CFAP300: variants seen among roughly 807,000 people sequenced by gnomAD.
CFAP300 encodes the protein cilia and flagella associated protein 300.
Under a neutral mutation model 33.0 loss-of-function variants are expected in CFAP300, and 32 were observed. The observed-to-expected ratio is 0.97, with a 90% CI of 0.73 to 1.30. The LOEUF is 1.30. CFAP300 is among the 50% of genes most tolerant of loss of function. CFAP300 has a pLI of 0.00. For missense variants in CFAP300, 356 were observed against 318.1 expected, an observed-to-expected ratio of 1.12 and a Z score of -0.90; for synonymous variants, 102 against 106.8, an observed-to-expected ratio of 0.95 and a Z score of 0.28.
intron 3 of CFAP300, among the ~76,000 whole-genome samples, chr11:102,064,597 G>A (rs2135031404): frequency 6.6e-6 from 1 of 152,296 alleles, no homozygotes; most frequent in South Asian, 2.1e-4. Context: ...AAGAGCTAGT[G>A]TAAACATTCA....
intron 6 of CFAP300, 24 bp downstream of exon 6, chr11:102,081,305 A>G (rs1942469560): frequency 1.3e-6 from 2 of 1,586,654 alleles, no homozygotes. Context: ...AACTTTTGCA[A>G]CCAAAGAATT....
intron 2 of CFAP300, chr11:102,058,059 A>G (rs955939605): frequency 2.0e-5 from 3 of 152,374 alleles, no homozygotes; most frequent in Non-Finnish European, 4.4e-5. Context: ...CCTTTTGGCT[A>G]AGATCAACTG....
rs112123559 is a variant in CFAP300 at position 102,072,456 on chromosome 11, T to A, written c.436-3417T>A. Among the ~76,000 whole-genome samples, 812 of 150,190 alleles carry A rather than the reference T, an allele frequency of 5.4e-3. 8 individuals carry two copies. The highest frequency in any genetic ancestry group is 0.019 in the African/African-American group (784 of 40,370). On this transcript the variant is annotated intron_variant, in intron 4 of 6. Transcript: ENST00000434758. ...CACTGAGCTTCTTTAATATCATTAA[T>A]TTTTTGAGAGAATTTTTTTTTTTAG...
chr11:102,069,622 G>A (rs1403642004), intron 4 of CFAP300, among the ~76,000 whole-genome samples: 4 of 152,052 alleles, frequency 2.6e-5, no homozygotes. Context: ...GGCCAACATG[G>A]TGAAAACCAG....
chr11:102,065,492 C>T (rs567564270), intron 3 of CFAP300, among the ~76,000 whole-genome samples: 4 of 152,062 alleles, frequency 2.6e-5, no homozygotes, highest in South Asian at 2.1e-4. Context: ...TGTGGCCAGG[C>T]GCGGTTGCTC....
In CFAP300 at chr11:102,083,480, T is replaced by C. The variant is rs577670708; in HGVS notation, c.*281T>C. On this transcript the variant is annotated 3_prime_UTR_variant, in exon 7 of 7. Coordinates refer to ENST00000434758, the MANE Select transcript of CFAP300 (RefSeq NM_032930.3). ...GAAATCTAGTTCATATTTGTTGCAT[T>C]GTGATTCAAGTGAATCCTCAATTTT... is the stretch of plus-strand genomic sequence containing the variant. The C allele has an allele frequency of 5.1e-6, 1 of 194,616 alleles. No homozygotes were observed. Among genetic ancestry groups the C allele is most frequent in the African/African-American group, 2.3e-5 (1 of 43,260 alleles). The allele number at this position is 194,616 out of a possible 1,614,324, so 12.1% of individuals were successfully genotyped here.
At chr11:102,073,095 G>T (rs1227342256) in intron 4 of CFAP300, among the ~76,000 whole-genome samples, 1 of 152,190 alleles carries the variant, frequency 6.6e-6, no homozygotes, top group Non-Finnish European at 1.5e-5. Flanking sequence ...CAAGCAGGCT[G>T]ATTCTTGGGC....
At chr11:102,079,526 G>T (rs1232204039) in intron 5 of CFAP300, among the ~76,000 whole-genome samples, 1 of 152,106 alleles carries the variant, frequency 6.6e-6, no homozygotes, top group Non-Finnish European at 1.5e-5. Flanking sequence ...ACCCTGAAAT[G>T]GCTATGGCTG....
At chr11:102,081,395 T>C in intron 6 of CFAP300, 114 bp downstream of exon 6, 1 of 832,262 alleles carries the variant, frequency 1.2e-6, no homozygotes, top group Non-Finnish European at 1.9e-6. Context: ...AAAGACAATG[T>C]TATTTAGAGT....
chr11:102,055,823 C>T (rs1266158103), intron 2 of CFAP300, among the ~76,000 whole-genome samples: 1 of 151,994 alleles, frequency 6.6e-6, no homozygotes, highest in Non-Finnish European at 1.5e-5. Context: ...CAGGCGCCCG[C>T]CACCACGCCC....
chr11:102,071,585 G>A (rs1942313246), intron 4 of CFAP300, among the ~76,000 whole-genome samples: 1 of 151,992 alleles, frequency 6.6e-6, no homozygotes. Context: ...TCCTTTCTGT[G>A]TTTTCAAATT....
intron 2 of CFAP300, among the ~76,000 whole-genome samples, chr11:102,053,987 A>G (rs917454698): frequency 2.0e-5 from 3 of 152,170 alleles, no homozygotes; most frequent in African/African-American, 7.2e-5. Flanking sequence ...TTCCAGTTGC[A>G]TACTGGAACC....
Position 102,059,015 on chromosome 11 carries a change from A to G in CFAP300, c.268+60A>G, listed in dbSNP as rs1942101039. ...TACTATTATAAGAAAATTTTGCCTCAGGAATTTTCATTATTAAAATATAAA... is the reference window on the plus strand; with the variant it reads ...TACTATTATAAGAAAATTTTGCCTCGGGAATTTTCATTATTAAAATATAAA... On this transcript the variant is annotated intron_variant, in intron 3 of 6. Coordinates refer to ENST00000434758, the MANE Select transcript of CFAP300 (RefSeq NM_032930.3). 13 of 982,702 alleles carry G rather than the reference A, an allele frequency of 1.3e-5. No homozygotes were observed. In the South Asian group the frequency reaches 2.2e-4, roughly 16 times the overall value. 60.9% of individuals were successfully genotyped at this position (982,702 alleles called of 1,614,324 possible).
At chr11:102,047,772 G>A in intron 1 of CFAP300, 43 bp from the exon 2 acceptor site, 1 of 1,603,896 alleles carries the variant, frequency 6.2e-7, no homozygotes, top group Non-Finnish European at 8.5e-7. Flanking sequence ...GCTCTGAGAG[G>A]GTGCCAGCCC....
intron 2 of CFAP300, 52 bp from the exon 3 acceptor site, chr11:102,058,828 C>A (rs1195104907): frequency 2.9e-6 from 3 of 1,033,320 alleles, no homozygotes; most frequent in Non-Finnish European, 2.9e-6. Flanking sequence ...TTAATTTTTA[C>A]TATCATTTAT....
intron 4 of CFAP300, among the ~76,000 whole-genome samples, chr11:102,070,287 A>G (rs1942293474): frequency 6.6e-6 from 1 of 152,204 alleles, no homozygotes; most frequent in South Asian, 2.1e-4. Context: ...TTATAAATAA[A>G]CTGTGTATGG....
intron 4 of CFAP300, among the ~76,000 whole-genome samples, chr11:102,074,835 T>G (rs1325875561): frequency 1.3e-5 from 2 of 151,894 alleles, no homozygotes; most frequent in African/African-American, 4.8e-5. Context: ...CCTGATTCAC[T>G]AGGGCTACAG....
rs997187694 is a variant in CFAP300, at chr11:102,053,258, T to C, written c.192+5362T>C. Among the ~76,000 whole-genome samples, 6 of 143,756 alleles carry C rather than the reference T, an allele frequency of 4.2e-5. No individual in the cohort carries two copies. The Admixed American group carries it at 4.3e-4, about 10-fold the overall frequency. 94.3% of individuals were successfully genotyped at this position (143,756 alleles called of 152,430 possible). A position where few individuals can be genotyped will look rare whatever the true frequency, so the allele number is the denominator to read the frequency against. Reference sequence around the variant, plus strand: ...AAAAATAATTAATTAAAAAATAAAATTTAAAAAAAGGCTGGGCACAGTGGC... The same window carrying C: ...AAAAATAATTAATTAAAAAATAAAACTTAAAAAAAGGCTGGGCACAGTGGC... On this transcript the variant is annotated intron_variant, in intron 2 of 6. Transcript: ENST00000434758.
Position 102,075,993 on chromosome 11 carries a change from G to A in CFAP300, c.556G>A (p.Val186Met), listed in dbSNP as rs752435466. 1 of 1,613,824 alleles carries A rather than the reference G, an allele frequency of 6.2e-7. No individual in the cohort carries two copies. Among genetic ancestry groups the A allele is most frequent in the African/African-American group, 1.3e-5 (1 of 75,002 alleles). ...LGGALCQYED[V>M]ISPYLETTKL... is the part of the protein sequence containing the mutation. ...TGGAGCCCTTTGTCAATATGAGGATGTGATTAGCCCATATCTGGAAACAAC... is the reference window on the plus strand; with the variant it reads ...TGGAGCCCTTTGTCAATATGAGGATATGATTAGCCCATATCTGGAAACAAC... The change falls in exon 5 of 7, where the codon GTG (valine) becomes ATG (methionine). Residue 186 changes from valine to methionine, a missense_variant. Physicochemically the swap from Val to Met is conservative, Grantham distance 21 (BLOSUM62 1). Coordinates refer to ENST00000434758, the MANE Select transcript of CFAP300 (RefSeq NM_032930.3).
Sources: allele counts gnomAD v4.1 joint callset (sites outside exome capture counted in the v4.1 genomes callset), GRCh38; gene constraint gnomAD v4.1.1; transcripts MANE v1.5; gene names NCBI Gene and HGNC (gene_info 2026-07-23, HGNC 2026-07-21).